EFR3B: variants seen among roughly 807,000 people sequenced by gnomAD.
EFR3B encodes the protein protein EFR3 homolog B.
In EFR3B, 64 loss-of-function variants were observed where a neutral mutation model predicts 104.7. That is an observed-to-expected ratio of 0.61 (90% CI 0.50 to 0.75). EFR3B has a LOEUF of 0.75. Among genes scored for constraint, EFR3B ranks in the 30% least tolerant of loss-of-function variants. The pLI, the probability that EFR3B is intolerant of heterozygous loss-of-function variation, is 0.00. For missense variants in EFR3B, 750 were observed against 1,078.5 expected (o/e 0.70, Z 4.27); for synonymous variants, 385 against 417.9 (o/e 0.92, Z 0.96).
intron 1 of EFR3B, among the ~76,000 whole-genome samples, chr2:25,075,325 C>T (rs550415106): frequency 1.3e-5 from 2 of 152,290 alleles, no homozygotes; most frequent in African/African-American, 4.8e-5. Context: ...CTGGTTTTCT[C>T]TTCTGAAGAT....
intron 4 of EFR3B, among the ~76,000 whole-genome samples, chr2:25,120,005 T>C (rs1373483699): frequency 1.3e-5 from 2 of 152,206 alleles, no homozygotes; most frequent in Non-Finnish European, 2.9e-5. Context: ...TATATTTTAT[T>C]GTGAATCTAA....
chr2:25,054,052 A>G (rs1667954620), intron 1 of EFR3B, among the ~76,000 whole-genome samples: 2 of 152,228 alleles, frequency 1.3e-5, no homozygotes, highest in Non-Finnish European at 2.9e-5. Context: ...CCTTATCCCT[A>G]GACAGCAAAG....
intron 17 of EFR3B, among the ~76,000 whole-genome samples, chr2:25,143,534 C>T (rs1341759805): frequency 1.3e-5 from 2 of 152,078 alleles, no homozygotes; most frequent in East Asian, 3.9e-4. Flanking sequence ...GTGGCAGGTG[C>T]CTTTAATCCC....
In EFR3B at chr2:25,156,290, G is replaced by GTTTTTTTTTTTTTTTTTTTTTT. The variant is rs1034346702; in HGVS notation, c.*1954_*1975dup. 1.4e-5 allele frequency: 1 copy of GTTTTTTTTTTTTTTTTTTTTTT among 71,752 alleles called. No individual in the cohort carries two copies. Among genetic ancestry groups the GTTTTTTTTTTTTTTTTTTTTTT allele is most frequent in the African/African-American group, 5.6e-5 (1 of 17,866 alleles). The allele number at this position is 71,752 out of a possible 1,614,324, so 4.4% of individuals were successfully genotyped here. The stretch of plus-strand genomic sequence containing the variant: ...TGTGGGCACACAGCTTCTTTTTCTT[G>GTTTTTTTTTTTTTTTTTTTTTT]TTTTTTTTTTTTTTTTTTTTTTTTT... On this transcript the variant is annotated 3_prime_UTR_variant, in exon 23 of 23. Transcript: ENST00000403714.
chr2:25,150,571 T>A (rs1670975500), intron 20 of EFR3B, among the ~76,000 whole-genome samples: 1 of 151,926 alleles, frequency 6.6e-6, no homozygotes, highest in Admixed American at 6.6e-5. Flanking sequence ...ATTTTTGTCA[T>A]CATTAATGAT....
chr2:25,113,228 C>CA (rs1028177298), intron 4 of EFR3B, among the ~76,000 whole-genome samples: 3 of 151,908 alleles, frequency 2.0e-5, no homozygotes, highest in East Asian at 1.9e-4. Context: ...ATCTTAAAAA[C>CA]AAAAAAACAA....
chr2:25,108,354 C>A lies in EFR3B; in HGVS notation c.363+4567C>A, dbSNP rs1458248583. ...GAGGACAGTGTCAATCACCACATGT[C>A]CTGATTTTTTAAGGGCACTTACTAA... On this transcript the variant is annotated intron_variant, in intron 4 of 22. Transcript: ENST00000403714. Among the ~76,000 whole-genome samples, 4 of 152,274 alleles carry A rather than the reference C, an allele frequency of 2.6e-5. No homozygotes were observed. The South Asian group carries it at 6.2e-4, about 24-fold the overall frequency.
chr2:25,046,338 T>G (rs1041196556), intron 1 of EFR3B, among the ~76,000 whole-genome samples: 2 of 151,718 alleles, frequency 1.3e-5, no homozygotes, highest in African/African-American at 4.8e-5. Context: ...TGATCAGAGA[T>G]AGCATCACTG....
At chr2:25,104,517 G>C (rs1409901177) in intron 4 of EFR3B, among the ~76,000 whole-genome samples, 3 of 152,084 alleles carry the variant, frequency 2.0e-5, no homozygotes, top group Non-Finnish European at 4.4e-5. Context: ...TTTTAAGTGG[G>C]GCCCCCAATA....
chr2:25,081,832 G>A (rs1668816106), intron 1 of EFR3B: 1 of 314,724 alleles, frequency 3.2e-6, no homozygotes, highest in African/African-American at 2.1e-5. Flanking sequence ...GTATCTCAGT[G>A]GGCCTGGCAG....
chr2:25,107,551 G>A (rs1232465695), intron 4 of EFR3B, among the ~76,000 whole-genome samples: 4 of 152,122 alleles, frequency 2.6e-5, no homozygotes, highest in Non-Finnish European at 5.9e-5. Context: ...TGCCATTTAG[G>A]TCTGGGAACT....
In EFR3B at chr2:25,137,524, G is replaced by A; in HGVS notation, c.1722+22G>A. On this transcript the variant is annotated intron_variant, in intron 15 of 22. Transcript: ENST00000403714. This position sits in a 1 kb window ranked among gnomAD's most constrained non-coding sequence, Gnocchi z 4.7. ...TCAGGTGGGGCCTGGTGTGCGCAGG[G>A]CATGGGGCTTGGGATCAGGGGAGGG... is the stretch of plus-strand genomic sequence containing the variant. The A allele has an allele frequency of 6.4e-7, 1 of 1,551,594 alleles. No individual in the cohort carries two copies. Among genetic ancestry groups the A allele is most frequent in the Non-Finnish European group, 8.7e-7 (1 of 1,146,894 alleles).
chr2:25,077,176 CA>C (rs1176960157), intron 1 of EFR3B, among the ~76,000 whole-genome samples: 1 of 152,136 alleles, frequency 6.6e-6, no homozygotes, highest in Non-Finnish European at 1.5e-5. Context: ...TTACCAAAGG[CA>C]AATTGCTGCG....
At chr2:25,149,826 ACCACC>A (rs1421627923) in intron 20 of EFR3B, 84 bp downstream of exon 20, 7 of 1,260,486 alleles carry the variant, frequency 5.6e-6, no homozygotes, top group Non-Finnish European at 7.9e-6. Flanking sequence ...AGCAGGACAC[ACCACC>A]CTCCGCAGTG....
rs537988636 is a variant in EFR3B, at chr2:25,118,036, G to A, written c.364-3637G>A. ...GTTCTGTCGCCCAGGCTGGAGTGCA[G>A]TGGTGTGATCTTGGCTTACTACAAC... On this transcript the variant is annotated intron_variant, in intron 4 of 22. Coordinates refer to ENST00000403714, the MANE Select transcript of EFR3B (RefSeq NM_014971.2). Among the ~76,000 whole-genome samples, 39 of 152,264 alleles carry A rather than the reference G, an allele frequency of 2.6e-4. No individual in the cohort carries two copies. The South Asian group carries it at 7.7e-3, about 30-fold the overall frequency.
At chr2:25,113,622 C>T (rs1265439848) in intron 4 of EFR3B, among the ~76,000 whole-genome samples, 8 of 149,276 alleles carry the variant, frequency 5.4e-5, no homozygotes, top group Non-Finnish European at 1.0e-4. Context: ...GAGCCGAGAT[C>T]GTGCCACTGC....
chr2:25,066,734 C>A (rs1019968619), intron 1 of EFR3B, among the ~76,000 whole-genome samples: 7 of 152,178 alleles, frequency 4.6e-5, no homozygotes, highest in Non-Finnish European at 1.0e-4. Flanking sequence ...TCACCTTCTA[C>A]TATGTCTAAT....
chr2:25,107,875 C>G (rs1467271962), intron 4 of EFR3B, among the ~76,000 whole-genome samples: 2 of 151,356 alleles, frequency 1.3e-5, no homozygotes, highest in African/African-American at 4.9e-5. Context: ...ATGGGGTCTC[C>G]CTCTGTTGCC....
intron 4 of EFR3B, among the ~76,000 whole-genome samples, chr2:25,118,726 CAAAAAAAAAAAAAAA>C (rs869026900): frequency 6.3e-4 from 21 of 33,542 alleles, no homozygotes; most frequent in East Asian, 2.2e-3. Flanking sequence ...CCTGTCTCTA[CAAAAAAAAAAAAAAA>C]AAAAAAAAAA....
Sources: gnomAD v4.1 joint callset for allele counts (sites outside exome capture counted in the v4.1 genomes callset) on GRCh38, gnomAD v4.1.1 for gene constraint, Gnocchi (gnomAD v3.1) non-coding constraint, MANE v1.5 for transcripts, NCBI Gene and HGNC (gene_info 2026-07-23, HGNC 2026-07-21) for gene names.